ZNF143: variants seen among roughly 807,000 people sequenced by gnomAD.
ZNF143 encodes SPH-binding factor.
ZNF143 carries 49 observed loss-of-function variants against 74.1 expected under a neutral mutation model. The observed-to-expected ratio is 0.66, with a 90% CI of 0.53 to 0.84. The LOEUF (loss-of-function observed/expected upper bound fraction) is 0.84, where lower values mean the gene tolerates loss of function less well. Among genes scored for constraint, ZNF143 ranks in the 40% least tolerant of loss-of-function variants. The pLI is 0.00. For missense variants in ZNF143, 637 were observed against 793.4 expected, an observed-to-expected ratio of 0.80 and a Z score of 2.37; for synonymous variants, 304 against 282.8, an observed-to-expected ratio of 1.07 and a Z score of -0.75.
intron 7 of ZNF143, among the ~76,000 whole-genome samples, chr11:9,489,190 C>CT (rs1187967324): frequency 1.3e-5 from 2 of 152,118 alleles, no homozygotes; most frequent in Non-Finnish European, 2.9e-5. Context: ...GTGAGAATGC[C>CT]TTTAAGAGAG....
intron 14 of ZNF143, among the ~76,000 whole-genome samples, chr11:9,522,580 G>C (rs576807772): frequency 6.6e-6 from 1 of 152,050 alleles, no homozygotes; most frequent in African/African-American, 2.4e-5. Context: ...TGCAACCTCC[G>C]CCTCCCGGGT....
intron 5 of ZNF143, among the ~76,000 whole-genome samples, chr11:9,476,153 C>CT (rs1205156252): frequency 6.6e-6 from 1 of 150,856 alleles, no homozygotes; most frequent in Non-Finnish European, 1.5e-5. Flanking sequence ...TTCAAAGCTA[C>CT]TTTTTTTTTG....
intron 14 of ZNF143, among the ~76,000 whole-genome samples, chr11:9,522,422 C>G (rs1848966682): frequency 6.6e-6 from 1 of 152,104 alleles, no homozygotes; most frequent in Non-Finnish European, 1.5e-5. Flanking sequence ...GTCTACTGCC[C>G]TTCTGGAACT....
At chr11:9,486,328 G>T (rs1847469430) in intron 7 of ZNF143, among the ~76,000 whole-genome samples, 1 of 86,532 alleles carries the variant, frequency 1.2e-5, no homozygotes, top group Non-Finnish European at 2.2e-5. Flanking sequence ...AATGGTCCTA[G>T]GCGCTAATTA....
At chr11:9,461,999 T>TA (rs1289536732) in intron 1 of ZNF143, 1 of 152,232 alleles carries the variant, frequency 6.6e-6, no homozygotes, top group African/African-American at 2.4e-5. Context: ...TCCTGAATCT[T>TA]ACCAGAAGAT....
At chr11:9,492,829 C>T (rs1543) in intron 7 of ZNF143, among the ~76,000 whole-genome samples, 92,001 of 151,772 alleles carry the variant, frequency 0.61, 28,366 homozygotes, top group Non-Finnish European at 0.67. Flanking sequence ...GAAAAGGAAA[C>T]ATAAATGTCT....
intron 14 of ZNF143, among the ~76,000 whole-genome samples, chr11:9,524,945 A>C (rs1849072250): frequency 6.6e-6 from 1 of 152,326 alleles, no homozygotes; most frequent in South Asian, 2.1e-4. Context: ...GCAGTCACTT[A>C]GGGGTAATAG....
At chr11:9,497,122 A>C (rs937811643) in intron 9 of ZNF143, among the ~76,000 whole-genome samples, 2 of 152,246 alleles carry the variant, frequency 1.3e-5, no homozygotes, top group African/African-American at 4.8e-5. Context: ...GTATGAGAAC[A>C]ACTGATAAAA....
Position 9,464,111 on chromosome 11 carries a change from T to TGTGC in ZNF143, c.-8+3038_-8+3039insCGTG, listed in dbSNP as rs201127001. On this transcript the variant is annotated intron_variant, in intron 1 of 15. Coordinates refer to ENST00000396602, the MANE Select transcript of ZNF143 (RefSeq NM_003442.6). ...TTGTGTGTGTGTGTGTGTGTGTGTG[T>TGTGC]GTGTATTTGTGTATAGATATTAAAA... 3.5e-3 allele frequency among the ~76,000 whole-genome samples: 529 copies of TGTGC among 151,838 alleles called. 5 individuals are homozygous for TGTGC. Among genetic ancestry groups the TGTGC allele is most frequent in the African/African-American group, 0.012 (488 of 41,366 alleles).
chr11:9,527,945 TC>T lies in ZNF143; in HGVS notation c.*335del, dbSNP rs1420142893. The T allele has an allele frequency of 5.8e-6, 1 of 171,880 alleles. No individual in the cohort carries two copies. The highest frequency in any genetic ancestry group is 1.2e-5 in the Non-Finnish European group (1 of 81,244). 10.6% of individuals were successfully genotyped at this position (171,880 alleles called of 1,614,324 possible). A position where few individuals can be genotyped will look rare whatever the true frequency, so the allele number is the denominator to read the frequency against. On this transcript the variant is annotated 3_prime_UTR_variant, in exon 16 of 16. Transcript: ENST00000396602. ...GGAGTCTTATGATGGATTTTTAACT[TC>T]CCGTGGAAAAAAAAATAAAGGCTGT... is the stretch of plus-strand genomic sequence containing the variant.
At chr11:9,503,713 G>C (rs1273113591) in intron 11 of ZNF143, among the ~76,000 whole-genome samples, 5 of 150,546 alleles carry the variant, frequency 3.3e-5, no homozygotes, top group Admixed American at 2.7e-4. Flanking sequence ...TGTGATCTCA[G>C]CTCACTGCAG....
chr11:9,473,817 G>T, intron 3 of ZNF143, 124 bp from the exon 4 acceptor site: 1 of 1,586,398 alleles, frequency 6.3e-7, no homozygotes. Context: ...GAACATTGAG[G>T]GAAGAATCAA....
intron 5 of ZNF143, among the ~76,000 whole-genome samples, chr11:9,477,112 CCCCTTCCTTCCTTCCTTCCT>C (rs1856954346): frequency 2.7e-5 from 3 of 111,786 alleles, no homozygotes; most frequent in African/African-American, 6.7e-5. Flanking sequence ...AAAGTCTGCA[CCCCTTCCTTCCTTCCTTCCT>C]TCCTTCCTTC....
Position 9,482,947 on chromosome 11 carries a change from T to A in ZNF143, c.645+3401T>A, listed in dbSNP as rs941558535. Among the ~76,000 whole-genome samples, 16 of 151,528 alleles carry A rather than the reference T, an allele frequency of 1.1e-4. 2 individuals are homozygous for A. Among genetic ancestry groups the A allele is most frequent in the African/African-American group, 3.9e-4 (16 of 40,914 alleles). On this transcript the variant is annotated intron_variant, in intron 7 of 15. Transcript: ENST00000396602. ...TATTAATTTCACCTGTTTCTTTTAATTTTTTTCAATTGGTTACTAGAGATT... is the reference window on the plus strand; with the variant it reads ...TATTAATTTCACCTGTTTCTTTTAAATTTTTTCAATTGGTTACTAGAGATT...
At chr11:9,479,265 A>C (rs1377610071) in intron 6 of ZNF143, among the ~76,000 whole-genome samples, 2 of 152,054 alleles carry the variant, frequency 1.3e-5, no homozygotes, top group African/African-American at 4.8e-5. Flanking sequence ...TCAGCCTCCC[A>C]AAGTGCTAGG....
chr11:9,526,414 T>C (rs146661740), intron 15 of ZNF143, among the ~76,000 whole-genome samples: 1 of 152,214 alleles, frequency 6.6e-6, no homozygotes, highest in African/African-American at 2.4e-5. Flanking sequence ...AGATTACCTG[T>C]CCTTAGGGAG....
intron 13 of ZNF143, 140 bp downstream of exon 13, chr11:9,512,736 T>G (rs894745820): frequency 1.7e-5 from 15 of 892,502 alleles, no homozygotes; most frequent in Non-Finnish European, 2.6e-5. Context: ...AGTAGTCTGC[T>G]TACAGAGACT....
rs376171198 is a variant in ZNF143 at position 9,498,121 on chromosome 11, C to T, written c.967+321C>T. 2.6e-3 allele frequency among the ~76,000 whole-genome samples: 398 copies of T among 152,318 alleles called. 1 individual carries two copies. Among genetic ancestry groups the T allele is most frequent in the African/African-American group, 9.2e-3 (381 of 41,566 alleles). On this transcript the variant is annotated intron_variant, in intron 10 of 15. Coordinates refer to ENST00000396602, the MANE Select transcript of ZNF143 (RefSeq NM_003442.6). ...CTGCGATTACAGGCGTGAGCCACCG[C>T]GCCCGGCCTAGGCCAAGTTAATCTG...
At chr11:9,485,765 G>A (rs1847448956) in intron 7 of ZNF143, among the ~76,000 whole-genome samples, 3 of 151,542 alleles carry the variant, frequency 2.0e-5, no homozygotes, top group Middle Eastern at 6.8e-3. Flanking sequence ...AAAAATTCAA[G>A]TTGTTTTTAT....
Sources: gnomAD v4.1 joint callset for allele counts (sites outside exome capture counted in the v4.1 genomes callset) on GRCh38, gnomAD v4.1.1 for gene constraint, MANE v1.5 for transcripts, NCBI Gene and HGNC (gene_info 2026-07-23, HGNC 2026-07-21) for gene names.